ELP1: variants seen among roughly 807,000 people sequenced by gnomAD.
ELP1 encodes elongator acetyltransferase complex subunit 1, also known as elongator complex protein 1.
ELP1 carries 131 observed loss-of-function variants against 183.2 expected under a neutral mutation model. The observed-to-expected ratio is 0.72, with a 90% CI of 0.62 to 0.83. The LOEUF (loss-of-function observed/expected upper bound fraction) is 0.83, where lower values mean the gene tolerates loss of function less well. Among genes scored for constraint, ELP1 ranks in the 40% least tolerant of loss-of-function variants. ELP1 has a pLI of 0.00. For missense variants in ELP1, 1,550 were observed against 1,594.9 expected, an observed-to-expected ratio of 0.97 and a Z score of 0.48; for synonymous variants, 555 against 569.0, an observed-to-expected ratio of 0.98 and a Z score of 0.35.
At chr9:108,899,789 C>T (rs1828698271) in intron 20 of ELP1, 33 bp downstream of exon 20, 1 of 1,544,804 alleles carries the variant, frequency 6.5e-7, no homozygotes, top group South Asian at 1.1e-5. Flanking sequence ...AAATCACAAG[C>T]TAACTAGTCG....
intron 6 of ELP1, among the ~76,000 whole-genome samples, chr9:108,920,749 G>C (rs1829616546): frequency 6.6e-6 from 1 of 152,106 alleles, no homozygotes; most frequent in Non-Finnish European, 1.5e-5. Context: ...AAGGGTAGCT[G>C]TGAACTTTCA....
intron 12 of ELP1, among the ~76,000 whole-genome samples, chr9:108,909,549 T>G (rs1227669752): frequency 6.6e-6 from 1 of 152,192 alleles, no homozygotes; most frequent in Non-Finnish European, 1.5e-5. Context: ...GATCTCTTTT[T>G]CCAGATTCTC....
intron 1 of ELP1, among the ~76,000 whole-genome samples, chr9:108,931,629 C>T (rs190594393): frequency 4.6e-5 from 7 of 152,250 alleles, no homozygotes; most frequent in Admixed American, 2.6e-4. Flanking sequence ...TATATACTGG[C>T]AGTTGAAGAG....
intron 33 of ELP1, 22 bp from the exon 34 acceptor site, chr9:108,878,772 T>C (rs1279312235): frequency 6.2e-7 from 1 of 1,612,916 alleles, no homozygotes; most frequent in Non-Finnish European, 8.5e-7. Flanking sequence ...TACACAGATA[T>C]TTTTAAGCCT....
In ELP1 at chr9:108,896,521, A is replaced by C. The variant is rs953533643; in HGVS notation, c.2711T>G (p.Leu904Arg). 6.2e-7 allele frequency: 1 copy of C among 1,614,182 alleles called. No individual in the cohort carries two copies. Among genetic ancestry groups the C allele is most frequent in the Non-Finnish European group, 8.5e-7 (1 of 1,179,988 alleles). The change falls in exon 25 of 37, where the codon CTC (leucine) becomes CGC (arginine). Residue 904 changes from leucine to arginine, a missense_variant. Transcript: ENST00000374647. ...CTTCTGTGACTTCTCAGCTACCATG[A>C]GGACCAAATCAAAGTCATAGGTGCC... ...SLGTYDFDLV[L>R]MVAEKSQKDP...
At chr9:108,900,575 G>T (rs1172958482) in intron 18 of ELP1, among the ~76,000 whole-genome samples, 200 bp from the exon 19 acceptor site, 2 of 152,172 alleles carry the variant, frequency 1.3e-5, no homozygotes, top group African/African-American at 2.4e-5. Context: ...CTCTTACAGA[G>T]CCCTCATGCA....
At chr9:108,916,069 C>T (rs1829418334) in intron 10 of ELP1, 135 bp downstream of exon 10, 5 of 758,548 alleles carry the variant, frequency 6.6e-6, no homozygotes, top group Non-Finnish European at 1.2e-5. Context: ...CTAACCACCC[C>T]CATTTCCACC....
rs143580972 is a variant in ELP1, at chr9:108,880,114, C to A, written c.3398G>T (p.Arg1133Leu). Residue 1133 changes from arginine (R) to leucine (L), a missense_variant, in exon 32 of 37, where the codon CGC becomes CTC. Transcript: ENST00000374647. ...FLDSQTATFSRHKKRLLVVRE... is the reference protein window; with the variant it reads ...FLDSQTATFSLHKKRLLVVRE... ...AACTACCAATAAACGTTTCTTGTGG[C>A]GACTGAATGTGGCTGTCTGAGAGTC... 6.2e-7 allele frequency: 1 copy of A among 1,614,102 alleles called. No homozygotes were observed. Among genetic ancestry groups the A allele is most frequent in the Non-Finnish European group, 8.5e-7 (1 of 1,179,976 alleles).
chr9:108,921,878 T>C (rs1219744621), intron 6 of ELP1, among the ~76,000 whole-genome samples: 1 of 152,246 alleles, frequency 6.6e-6, no homozygotes, highest in African/African-American at 2.4e-5. Flanking sequence ...CAACTACCAT[T>C]TGAGTGCCTA....
At chr9:108,909,418 ACC>A (rs1324208485) in intron 12 of ELP1, among the ~76,000 whole-genome samples, 1 of 152,138 alleles carries the variant, frequency 6.6e-6, no homozygotes, top group East Asian at 1.9e-4. Flanking sequence ...TGCATCAAAC[ACC>A]ATCTTTGAAA....
intron 36 of ELP1, among the ~76,000 whole-genome samples, chr9:108,872,889 A>T (rs1206844447): frequency 1.3e-5 from 2 of 151,664 alleles, no homozygotes; most frequent in East Asian, 3.9e-4. Context: ...ATTAGGCATA[A>T]CTACAACTAT....
At chr9:108,917,784 T>C in intron 8 of ELP1, 114 bp from the exon 9 acceptor site, 1 of 1,140,906 alleles carries the variant, frequency 8.8e-7, no homozygotes. Flanking sequence ...AACGAATTAA[T>C]GAATATCTTT....
chr9:108,894,193 C>T (rs1828452288), intron 25 of ELP1, 127 bp from the exon 26 acceptor site: 3 of 538,996 alleles, frequency 5.6e-6, no homozygotes, highest in Non-Finnish European at 9.6e-6. Flanking sequence ...ATATTAACTG[C>T]ATATTATATA....
chr9:108,899,963 T>C, intron 19 of ELP1, 68 bp from the exon 20 acceptor site: 2 of 1,236,920 alleles, frequency 1.6e-6, no homozygotes, highest in Non-Finnish European at 2.4e-6. Context: ...GGATACACCA[T>C]TTTACCTAAC....
intron 6 of ELP1, among the ~76,000 whole-genome samples, chr9:108,921,816 A>T (rs1454095465): frequency 6.6e-6 from 1 of 152,258 alleles, no homozygotes; most frequent in East Asian, 1.9e-4. Context: ...TTGAAATAAA[A>T]ACTACGCTTT....
intron 6 of ELP1, among the ~76,000 whole-genome samples, chr9:108,920,647 G>A (rs1829613696): frequency 6.6e-6 from 1 of 152,154 alleles, no homozygotes; most frequent in Non-Finnish European, 1.5e-5. Flanking sequence ...CAGGCTGAGG[G>A]CTAGAATAAC....
Position 108,880,105 on chromosome 9 carries a change from T to C in ELP1, c.3407A>G (p.Lys1136Arg), listed in dbSNP as rs2118940928. Residue 1136 changes from lysine (K) to arginine (R), a missense_variant, in exon 32 of 37, where the codon AAA becomes AGA. Coordinates refer to ENST00000374647, the MANE Select transcript of ELP1 (RefSeq NM_003640.5). ...GAGCTCTCGAACTACCAATAAACGT[T>C]TCTTGTGGCGACTGAATGTGGCTGT... Reference protein sequence around the residue: ...SQTATFSRHKKRLLVVRELKE... With the variant: ...SQTATFSRHKRRLLVVRELKE... The C allele has an allele frequency of 6.2e-7, 1 of 1,614,182 alleles. No individual in the cohort carries two copies. Among genetic ancestry groups the C allele is most frequent in the Non-Finnish European group, 8.5e-7 (1 of 1,180,022 alleles).
In ELP1 at chr9:108,919,208, G is replaced by A. The variant is rs55876022; in HGVS notation, c.649+45C>T. On this transcript the variant is annotated intron_variant, in intron 7 of 36. Transcript: ENST00000374647. Reference sequence around the variant, plus strand: ...AGAAAATTTTCCTTAATTTTAATAAGATAAAAATTTTTTATTGTTGTTTAA... The same window carrying A: ...AGAAAATTTTCCTTAATTTTAATAAAATAAAAATTTTTTATTGTTGTTTAA... 5.1e-6 allele frequency: 7 copies of A among 1,375,378 alleles called. No individual in the cohort carries two copies. In the South Asian group the frequency reaches 8.6e-5, roughly 17 times the overall value. The allele number at this position is 1,375,378 out of a possible 1,614,324, so 85.2% of individuals were successfully genotyped here.
chr9:108,877,881 A>T (rs746323148), intron 35 of ELP1, 114 bp downstream of exon 35: 13 of 1,064,600 alleles, frequency 1.2e-5, no homozygotes, highest in Non-Finnish European at 1.7e-5. Context: ...AGATAATTTA[A>T]CTATGGCATC....
Sources: allele counts gnomAD v4.1 joint callset (sites outside exome capture counted in the v4.1 genomes callset), GRCh38; gene constraint gnomAD v4.1.1; transcripts MANE v1.5; gene names NCBI Gene and HGNC (gene_info 2026-07-23, HGNC 2026-07-21).